PCDHA6: variants seen among roughly 807,000 people sequenced by gnomAD.
PCDHA6 encodes protocadherin alpha-6.
PCDHA6 carries 55 observed loss-of-function variants against 60.3 expected under a neutral mutation model. That is an observed-to-expected ratio of 0.91 (90% CI 0.73 to 1.14). The LOEUF is 1.14. Among genes scored for constraint, PCDHA6 ranks in the 50% most tolerant of loss-of-function variants. The pLI is 0.00. For missense variants in PCDHA6, 1,327 were observed against 1,256.5 expected (o/e 1.06, Z -0.85); for synonymous variants, 652 against 557.9 (o/e 1.17, Z -2.38).
In PCDHA6 at chr5:140,907,883, G is replaced by A. The variant is rs374762446; in HGVS notation, c.2395-71066G>A. Among the ~76,000 whole-genome samples, 394 of 152,228 alleles carry A rather than the reference G, an allele frequency of 2.6e-3. 2 individuals carry two copies. Among genetic ancestry groups the A allele is most frequent in the African/African-American group, 9.2e-3 (382 of 41,542 alleles). ...CCAGCCGTTGGTGAGCACTCACATG[G>A]GATACAAATATCTTCACAGTTTTTG... On this transcript the variant is annotated intron_variant, in intron 1 of 3. Coordinates refer to ENST00000529310, the MANE Select transcript of PCDHA6 (RefSeq NM_018909.4).
chr5:140,877,888 C>T (rs1554170207), intron 1 of PCDHA6: 3 of 1,458,570 alleles, frequency 2.1e-6, no homozygotes, highest in South Asian at 1.5e-5. Flanking sequence ...GAAGAACTTC[C>T]GTTTAGGTTA....
In PCDHA6 at chr5:140,857,169, C is replaced by T. The variant is rs199584063; in HGVS notation, c.2394+26684C>T. On this transcript the variant is annotated intron_variant, in intron 1 of 3. Coordinates refer to ENST00000529310, the MANE Select transcript of PCDHA6 (RefSeq NM_018909.4). ...ACCGTCATTGCCCTAATCAGCGTTTCTGACCATGATTCAGGAGCCAACGGA... is the reference window on the plus strand; with the variant it reads ...ACCGTCATTGCCCTAATCAGCGTTTTTGACCATGATTCAGGAGCCAACGGA... 2.2e-5 allele frequency: 35 copies of T among 1,598,474 alleles called. 1 individual carries two copies. The East Asian group carries it at 7.4e-4, about 34-fold the overall frequency.
At chr5:140,966,603 G>A (rs567686852) in intron 1 of PCDHA6, 9 of 656,454 alleles carry the variant, frequency 1.4e-5, no homozygotes, top group African/African-American at 1.3e-4. Flanking sequence ...AGGAGCCCTT[G>A]GGAGGGCCTA....
chr5:140,871,094 T>A, intron 1 of PCDHA6: 3 of 1,613,260 alleles, frequency 1.9e-6, no homozygotes, highest in Non-Finnish European at 2.5e-6. Context: ...ACGGCCACCG[T>A]GCTGGTGTCG....
At chr5:140,998,211 T>C (rs2097801578) in intron 3 of PCDHA6, among the ~76,000 whole-genome samples, 1 of 152,226 alleles carries the variant, frequency 6.6e-6, no homozygotes. Context: ...TTAATCTGTA[T>C]AACCACACCC....
At chr5:140,840,106 C>T (rs1776564749) in intron 1 of PCDHA6, among the ~76,000 whole-genome samples, 1 of 151,740 alleles carries the variant, frequency 6.6e-6, no homozygotes, top group South Asian at 2.1e-4. Context: ...TTAGTGAAAT[C>T]GAGTGAAAGC....
At chr5:140,834,553 C>T (rs2150220861) in intron 1 of PCDHA6, 19 of 1,614,022 alleles carry the variant, frequency 1.2e-5, no homozygotes, top group Non-Finnish European at 1.6e-5. Flanking sequence ...CTGGAGCTGG[C>T]GGAGCTGGTG....
intron 3 of PCDHA6, among the ~76,000 whole-genome samples, chr5:140,986,867 C>A (rs1238623584): frequency 6.6e-6 from 1 of 152,140 alleles, no homozygotes; most frequent in Non-Finnish European, 1.5e-5. Flanking sequence ...TACCCGGAAA[C>A]TTGTTAGAAA....
In PCDHA6 at chr5:140,986,314, A is replaced by G. The variant is rs551389701; in HGVS notation, c.2542+3751A>G. On this transcript the variant is annotated intron_variant, in intron 3 of 3. Transcript: ENST00000529310. ...TGAGCAGAGAGAGAAAATTAGCTAA[A>G]TCAGGAATGCAGGGAATACAGTTGC... 9.4e-4 allele frequency among the ~76,000 whole-genome samples: 143 copies of G among 152,196 alleles called. 1 individual carries two copies. The highest frequency in any genetic ancestry group is 1.6e-3 in the Non-Finnish European group (110 of 68,030).
intron 1 of PCDHA6, among the ~76,000 whole-genome samples, chr5:140,935,894 CTTTTTTTT>C (rs55841305): frequency 1.5e-5 from 2 of 136,750 alleles, no homozygotes; most frequent in African/African-American, 5.4e-5. Context: ...TCAATATTAT[CTTTTTTTT>C]TTTTTTTTGA....
In PCDHA6 at chr5:141,009,886, C is replaced by T. The variant is rs377373799; in HGVS notation, c.2802C>T (p.Thr934=). Residue 934 remains threonine (T), a synonymous_variant, in exon 4 of 4, where the codon ACC becomes ACT. Transcript: ENST00000529310. ...AGAAAAAGAAGAAGGGTAACAAGAC[C>T]CAGGAGAAAAAAGAGAAAGGGAACA... ...KKKKKKKGNK[T]QEKKEKGNST... is the part of the protein sequence containing the mutation. The T allele has an allele frequency of 9.0e-4, 1,444 of 1,612,840 alleles. 15 individuals are homozygous for T. The South Asian group carries it at 0.015, about 17-fold the overall frequency.
chr5:140,968,511 C>T, intron 1 of PCDHA6: 2 of 1,614,198 alleles, frequency 1.2e-6, no homozygotes, highest in Non-Finnish European at 1.7e-6. Context: ...ATTCTGTACC[C>T]TACCTCAACC....
intron 1 of PCDHA6, chr5:140,928,163 C>A: frequency 6.2e-7 from 1 of 1,614,204 alleles, no homozygotes; most frequent in Non-Finnish European, 8.5e-7. Flanking sequence ...GGCTCACCCC[C>A]ACTTAGCACC....
rs577022008 is a variant in PCDHA6, at chr5:140,921,827, C to T, written c.2395-57122C>T. Among the ~76,000 whole-genome samples, 6 of 151,924 alleles carry T rather than the reference C, an allele frequency of 3.9e-5. No homozygotes were observed. In the South Asian group the frequency reaches 1.2e-3, roughly 32 times the overall value. On this transcript the variant is annotated intron_variant, in intron 1 of 3. Coordinates refer to ENST00000529310, the MANE Select transcript of PCDHA6 (RefSeq NM_018909.4). Reference sequence around the variant, plus strand: ...TAAGATACATGTGTGAATATCTATACACATATAGACATATTTATAGATGTG... The same window carrying T: ...TAAGATACATGTGTGAATATCTATATACATATAGACATATTTATAGATGTG...
chr5:140,848,986 AGAACGCC>A (rs2040724980), intron 1 of PCDHA6: 1 of 1,597,958 alleles, frequency 6.3e-7, no homozygotes, highest in African/African-American at 1.4e-5. Flanking sequence ...GATATCGGGG[AGAACGCC>A]CTGCTCACTT....
At chr5:140,938,424 T>C (rs960926721) in intron 1 of PCDHA6, among the ~76,000 whole-genome samples, 1 of 152,204 alleles carries the variant, frequency 6.6e-6, no homozygotes, top group African/African-American at 2.4e-5. Flanking sequence ...TTTGCAAAAA[T>C]CCTTTATCAG....
At chr5:140,843,564 G>A in intron 1 of PCDHA6, 1 of 1,595,922 alleles carries the variant, frequency 6.3e-7, no homozygotes, top group Non-Finnish European at 8.6e-7. Flanking sequence ...GTGGGGAGCT[G>A]GTCATACTCG....
chr5:140,866,287 C>T (rs1396371419), intron 1 of PCDHA6: 1 of 152,074 alleles, frequency 6.6e-6, no homozygotes, highest in Non-Finnish European at 1.5e-5. Flanking sequence ...GTGTTTGGGA[C>T]AAGTATAGAT....
intron 2 of PCDHA6, among the ~76,000 whole-genome samples, chr5:140,981,149 G>T (rs2096919822): frequency 6.6e-6 from 1 of 152,202 alleles, no homozygotes; most frequent in South Asian, 2.1e-4. Flanking sequence ...AGAAAACATT[G>T]AACTTATATG....
Sources: gnomAD v4.1 joint callset for allele counts (sites outside exome capture counted in the v4.1 genomes callset) on GRCh38, gnomAD v4.1.1 for gene constraint, MANE v1.5 for transcripts, NCBI Gene and HGNC (gene_info 2026-07-23, HGNC 2026-07-21) for gene names.